The following TBC1D16 variants were observed in gnomAD, a reference collection of about 807,000 sequenced individuals.
The protein encoded by TBC1D16 is CTD-2529O21.1.
In TBC1D16, 58 loss-of-function variants were observed where a neutral mutation model predicts 74.7. The observed-to-expected ratio is 0.78, with a 90% CI of 0.63 to 0.97. The LOEUF is 0.97. Ranked by LOEUF, TBC1D16 falls within the 50% of genes least tolerant of loss-of-function variation. TBC1D16 has a pLI of 0.00. For missense variants in TBC1D16, 1,014 were observed against 1,079.5 expected, an observed-to-expected ratio of 0.94 and a Z score of 0.85; for synonymous variants, 493 against 474.7, an observed-to-expected ratio of 1.04 and a Z score of -0.50.
In TBC1D16 at chr17:79,940,940, C is replaced by T; in HGVS notation, c.2223G>A (p.Val741=). ...TCAGGGACTTGGGGGAAGGCATCTC[C>T]ACCGTGCCCCCGTAGGGACAGCTCT... ...GSESCPYGGT[V]EMPSPKSLRE... Residue 741 remains valine, a synonymous_variant, in exon 12 of 12, where the codon GTG becomes GTA. Transcript: ENST00000310924. The surrounding 1 kb of genome is among the most constrained non-coding windows in gnomAD (Gnocchi z 5.4). The T allele has an allele frequency of 6.3e-7, 1 of 1,598,240 alleles. No homozygotes were observed.
Position 80,010,612 on chromosome 17 carries a change from G to C in TBC1D16, c.327C>G (p.Pro109=). 1 of 1,583,684 alleles carries C rather than the reference G, an allele frequency of 6.3e-7. No homozygotes were observed. Among genetic ancestry groups the C allele is most frequent in the South Asian group, 1.2e-5 (1 of 86,674 alleles). ...TPESSPVRKA[P]RPRGRRTRSS... is the part of the protein sequence containing the mutation. Reference sequence around the variant, plus strand: ...TCCGGGTGCGCCGGCCCCGAGGGCGGGGTGCCTTGCGAACGGGGGAGCTCT... The same window carrying C: ...TCCGGGTGCGCCGGCCCCGAGGGCGCGGTGCCTTGCGAACGGGGGAGCTCT... The change falls in exon 3 of 12, where the codon CCC becomes CCG. Residue 109 remains proline, a synonymous_variant. Coordinates refer to ENST00000310924, the MANE Select transcript of TBC1D16 (RefSeq NM_019020.4). The surrounding 1 kb of genome is among the most constrained non-coding windows in gnomAD (Gnocchi z 8.8).
In TBC1D16 at chr17:79,946,656, G is replaced by A. The variant is rs1198597515; in HGVS notation, c.1728+989C>T. 5.3e-5 allele frequency among the ~76,000 whole-genome samples: 8 copies of A among 152,180 alleles called. No individual in the cohort carries two copies. The South Asian group carries it at 6.2e-4, about 12-fold the overall frequency. ...CTGTGTCCTGGGGGTGGGGACCCCC[G>A]TTCTATGAGACACACTCTGTGGCCC... On this transcript the variant is annotated intron_variant, in intron 9 of 11. Coordinates refer to ENST00000310924, the MANE Select transcript of TBC1D16 (RefSeq NM_019020.4).
chr17:79,950,541 A>C lies in TBC1D16; in HGVS notation c.1127T>G (p.Ile376Ser). 1 of 1,613,160 alleles carries C rather than the reference A, an allele frequency of 6.2e-7. No individual in the cohort carries two copies. The highest frequency in any genetic ancestry group is 8.5e-7 in the Non-Finnish European group (1 of 1,179,866). Residue 376 changes from isoleucine (I) to serine (S), a missense_variant, in exon 6 of 12, where the codon ATC (isoleucine) becomes AGC (serine). Coordinates refer to ENST00000310924, the MANE Select transcript of TBC1D16 (RefSeq NM_019020.4). This position sits in a 1 kb window ranked among gnomAD's most constrained non-coding sequence, Gnocchi z 4.6. ...GGAGGACGGCAGCTTGGGGCGGCGG[A>C]TGGAGAACTGCATGCATGTCTTATC... ...APDKTCMQFS[I>S]RRPKLPSSET...
chr17:80,022,227 T>A (rs2036310633), intron 1 of TBC1D16, among the ~76,000 whole-genome samples: 1 of 149,900 alleles, frequency 6.7e-6, no homozygotes, highest in Non-Finnish European at 1.5e-5. Flanking sequence ...GTTCATTGAG[T>A]GTTTATGTTG....
Position 79,939,561 on chromosome 17 carries a change from G to C in TBC1D16, c.*1298C>G, listed in dbSNP as rs758599502. The stretch of plus-strand genomic sequence containing the variant: ...GGACGCGATGGAGGATTTCAGGAGG[G>C]ATTTGGTCTCCTCGCTCAAGGAGTG... On this transcript the variant is annotated 3_prime_UTR_variant, in exon 12 of 12. Coordinates refer to ENST00000310924, the MANE Select transcript of TBC1D16 (RefSeq NM_019020.4). 1.1e-4 allele frequency: 17 copies of C among 152,228 alleles called. No homozygotes were observed. Among genetic ancestry groups the C allele is most frequent in the Admixed American group, 2.6e-4 (4 of 15,276 alleles). 9.4% of individuals were successfully genotyped at this position (152,228 alleles called of 1,614,324 possible). A position where few individuals can be genotyped will look rare whatever the true frequency, so the allele number is the denominator to read the frequency against.
intron 1 of TBC1D16, among the ~76,000 whole-genome samples, chr17:80,034,853 G>T (rs1021794069): frequency 2.6e-5 from 4 of 152,210 alleles, no homozygotes; most frequent in Non-Finnish European, 5.9e-5. Context: ...GCCGCCTCAC[G>T]TGAGCATCTT....
chr17:79,942,044 T>A lies in TBC1D16; in HGVS notation c.2055+16A>T, dbSNP rs1190120184. ...GGGGCGGGGCGGGGTGGGGCCCACA[T>A]CTGGGGCAGCCTCACCTTCCGGAGA... On this transcript the variant is annotated intron_variant, in intron 11 of 11. Transcript: ENST00000310924. 1 of 1,603,106 alleles carries A rather than the reference T, an allele frequency of 6.2e-7. No individual in the cohort carries two copies. The highest frequency in any genetic ancestry group is 1.7e-5 in the Admixed American group (1 of 59,438).
chr17:79,998,125 CAAA>C (rs901486919), intron 3 of TBC1D16, among the ~76,000 whole-genome samples: 11 of 51,986 alleles, frequency 2.1e-4, no homozygotes, highest in African/African-American at 4.9e-4. Flanking sequence ...AACTCTGTCT[CAAA>C]AAAAAAAAAA....
chr17:80,019,527 G>A (rs2036214938), intron 1 of TBC1D16, among the ~76,000 whole-genome samples: 1 of 146,450 alleles, frequency 6.8e-6, no homozygotes, highest in African/African-American at 2.7e-5. Flanking sequence ...AGACAGGACT[G>A]TTTGCTCTCT....
In TBC1D16 at chr17:79,936,320, C is replaced by T. The variant is rs1456677328; in HGVS notation, c.*4539G>A. Reference sequence around the variant, plus strand: ...GTGCTGACTCCGAACCAAGGGAGAGCTCTCCGTCCTGAGCTCGCTGCCCCT... The same window carrying T: ...GTGCTGACTCCGAACCAAGGGAGAGTTCTCCGTCCTGAGCTCGCTGCCCCT... On this transcript the variant is annotated 3_prime_UTR_variant, in exon 12 of 12. Transcript: ENST00000310924. 1 of 152,242 alleles carries T rather than the reference C, an allele frequency of 6.6e-6. No individual in the cohort carries two copies. Among genetic ancestry groups the T allele is most frequent in the Non-Finnish European group, 1.5e-5 (1 of 68,036 alleles). The allele number at this position is 152,242 out of a possible 1,614,324, so 9.4% of individuals were successfully genotyped here. A position where few individuals can be genotyped will look rare whatever the true frequency, so the allele number is the denominator to read the frequency against.
At chr17:79,998,374 T>A (rs988701266) in intron 3 of TBC1D16, among the ~76,000 whole-genome samples, 1 of 151,498 alleles carries the variant, frequency 6.6e-6, no homozygotes, top group South Asian at 2.1e-4. Context: ...GTGACCCAGG[T>A]TGGAGGGCAG....
At chr17:79,997,351 C>CTT (rs371287804) in intron 3 of TBC1D16, among the ~76,000 whole-genome samples, 1 of 143,120 alleles carries the variant, frequency 7.0e-6, no homozygotes, top group African/African-American at 2.5e-5. Context: ...CCTCCCGGTA[C>CTT]TTTTTTTTTT....
rs760917585 is a variant in TBC1D16 at position 79,944,107 on chromosome 17, C to T, written c.1908+801G>A. The stretch of plus-strand genomic sequence containing the variant: ...ACTCGCTTTCATCAGACATCAGCCC[C>T]CTGCGGTGTGAGTGAGGACAGGAGA... On this transcript the variant is annotated intron_variant, in intron 10 of 11. Coordinates refer to ENST00000310924, the MANE Select transcript of TBC1D16 (RefSeq NM_019020.4). This position sits in a 1 kb window ranked among gnomAD's most constrained non-coding sequence, Gnocchi z 7.7. 6.5e-7 allele frequency: 1 copy of T among 1,536,044 alleles called. No individual in the cohort carries two copies. The highest frequency in any genetic ancestry group is 1.2e-5 in the South Asian group (1 of 84,060).
In TBC1D16 at chr17:79,934,385, G is replaced by T. The variant is rs778506400; in HGVS notation, c.*6474C>A. The T allele has an allele frequency of 1.3e-5, 2 of 152,316 alleles. No individual in the cohort carries two copies. Among genetic ancestry groups the T allele is most frequent in the Non-Finnish European group, 2.9e-5 (2 of 68,140 alleles). The allele number at this position is 152,316 out of a possible 1,614,324, so 9.4% of individuals were successfully genotyped here. Reference sequence around the variant, plus strand: ...GTGGGATCATCCTTCCTGAGGAGCTGCCCTGCCCAGTCCCGTTGCCTTGGA... The same window carrying T: ...GTGGGATCATCCTTCCTGAGGAGCTTCCCTGCCCAGTCCCGTTGCCTTGGA... On this transcript the variant is annotated 3_prime_UTR_variant, in exon 12 of 12. Coordinates refer to ENST00000310924, the MANE Select transcript of TBC1D16 (RefSeq NM_019020.4).
chr17:79,997,232 C>A (rs1421005271), intron 3 of TBC1D16, among the ~76,000 whole-genome samples: 1 of 152,132 alleles, frequency 6.6e-6, no homozygotes, highest in East Asian at 1.9e-4. Flanking sequence ...GCCTGTAATA[C>A]CCGTGAGACC....
At position 79,944,568 on chromosome 17, in the gene TBC1D16, C is replaced by A. The variant is rs1010534184; in HGVS notation, c.1908+340G>T. On this transcript the variant is annotated intron_variant, in intron 10 of 11. Transcript: ENST00000310924. The surrounding 1 kb of genome is among the most constrained non-coding windows in gnomAD (Gnocchi z 7.7). Reference sequence around the variant, plus strand: ...TCCCGAGGGGGTGGAGCGGTGCTGGCTCACGCTCGTGGGCACCAGCGTCCT... The same window carrying A: ...TCCCGAGGGGGTGGAGCGGTGCTGGATCACGCTCGTGGGCACCAGCGTCCT... Among the ~76,000 whole-genome samples, 3 of 152,206 alleles carry A rather than the reference C, an allele frequency of 2.0e-5. No homozygotes were observed. The highest frequency in any genetic ancestry group is 6.5e-5 in the Admixed American group (1 of 15,276).
At chr17:79,946,388 A>G (rs1420935010) in intron 9 of TBC1D16, among the ~76,000 whole-genome samples, 1 of 152,224 alleles carries the variant, frequency 6.6e-6, no homozygotes, top group Non-Finnish European at 1.5e-5. Context: ...GGTGGAGCTC[A>G]GGCGGGAATG....
intron 1 of TBC1D16, among the ~76,000 whole-genome samples, chr17:80,030,040 T>C (rs1163566168): frequency 6.6e-6 from 1 of 152,144 alleles, no homozygotes; most frequent in Non-Finnish European, 1.5e-5. Context: ...GATCCTGCGA[T>C]TGCATCAGGC....
At chr17:79,957,368 G>A (rs1183880232) in intron 3 of TBC1D16, among the ~76,000 whole-genome samples, 1 of 152,184 alleles carries the variant, frequency 6.6e-6, no homozygotes, top group Non-Finnish European at 1.5e-5. Flanking sequence ...AAAAAGAAAT[G>A]AGCTGTCGAG....
Sources: gnomAD v4.1 joint callset for allele counts (sites outside exome capture counted in the v4.1 genomes callset) on GRCh38, gnomAD v4.1.1 for gene constraint, Gnocchi (gnomAD v3.1) non-coding constraint, MANE v1.5 for transcripts, NCBI Gene and HGNC (gene_info 2026-07-23, HGNC 2026-07-21) for gene names.